LAMA5: variants seen among roughly 807,000 people sequenced by gnomAD.
The protein encoded by LAMA5 is laminin subunit alpha 5, also known as laminin subunit alpha-5.
Under a neutral mutation model 433.4 loss-of-function variants are expected in LAMA5, and 260 were observed. The observed-to-expected ratio is 0.60, with a 90% CI of 0.54 to 0.66. The LOEUF is 0.66. LAMA5 is among the 30% of genes least tolerant of loss of function. LAMA5 has a pLI of 0.00. For synonymous variants in LAMA5, 2,620 were observed against 2,226.6 expected (o/e 1.18, Z -4.97); for missense variants, 5,378 against 5,258.5 (o/e 1.02, Z -0.70).
chr20:62,313,704 T>C lies in LAMA5; in HGVS notation c.8603A>G (p.Asn2868Ser), dbSNP rs765127118. The change falls in exon 63 of 80, where the codon AAC becomes AGC. Residue 2868 changes from asparagine (N) to serine (S), a missense_variant. Coordinates refer to ENST00000252999, the MANE Select transcript of LAMA5 (RefSeq NM_005560.6). Reference sequence around the variant, plus strand: ...GAAGACGAAGTCGTCTGGCCGCAGGTTGAGCAGCCCCTCTGCCCCAGGGGC... The same window carrying C: ...GAAGACGAAGTCGTCTGGCCGCAGGCTGAGCAGCCCCTCTGCCCCAGGGGC... ...TVAPGAEGLLNLRPDDFVFYV... is the reference protein window; with the variant it reads ...TVAPGAEGLLSLRPDDFVFYV... 6.8e-6 allele frequency: 11 copies of C among 1,612,738 alleles called. No individual in the cohort carries two copies. Among genetic ancestry groups the C allele is most frequent in the Middle Eastern group, 1.7e-4 (1 of 6,060 alleles).
At chr20:62,323,901 C>T (rs757582597) in intron 43 of LAMA5, 45 bp from the exon 44 acceptor site, 22 of 1,538,398 alleles carry the variant, frequency 1.4e-5, no homozygotes, top group South Asian at 1.2e-4. Context: ...TGGCAGTGCC[C>T]GGGCCCGGGC....
rs1173816620 is a variant in LAMA5, at chr20:62,311,039, T to C, written c.10144A>G (p.Thr3382Ala). 6.2e-7 allele frequency: 1 copy of C among 1,607,558 alleles called. No homozygotes were observed. Among genetic ancestry groups the C allele is most frequent in the African/African-American group, 1.3e-5 (1 of 74,660 alleles). The change falls in exon 74 of 80, where the codon ACT becomes GCT. Residue 3382 changes from threonine (T) to alanine (A), a missense_variant. Thr to Ala is a moderately conservative substitution (Grantham distance 58). Transcript: ENST00000252999. ...PRSSRGLLLF[T>A]ARLRPGSPSL... is the part of the protein sequence containing the mutation. ...GGGCTGCCGGGCCTCAGACGGGCAG[T>C]GAAGAGGAGGAGGCCTCGGGAGCTT...
In LAMA5 at chr20:62,329,160, C is replaced by T. The variant is rs779995373; in HGVS notation, c.4213G>A (p.Ala1405Thr). Reference sequence around the variant, plus strand: ...CACCTGATGTGGTAGCCCTGGGCTGCGCAGTGGCTGATGAAGTCATAGGAT... The same window carrying T: ...CACCTGATGTGGTAGCCCTGGGCTGTGCAGTGGCTGATGAAGTCATAGGAT... The part of the protein sequence containing the change: ...DKSYDFISHC[A>T]AQGYHISPSS... The change falls in exon 33 of 80, where the codon GCA becomes ACA. Residue 1405 changes from alanine (A) to threonine (T), a missense_variant. Coordinates refer to ENST00000252999, the MANE Select transcript of LAMA5 (RefSeq NM_005560.6). 207 of 1,612,618 alleles carry T rather than the reference C, an allele frequency of 1.3e-4. No individual in the cohort carries two copies. The Admixed American group carries it at 3.1e-3, about 24-fold the overall frequency.
rs368092656 is a variant in LAMA5, at chr20:62,328,023, C to G, written c.4653-13G>C. The G allele has an allele frequency of 6.2e-7, 1 of 1,610,546 alleles. No individual in the cohort carries two copies. Among genetic ancestry groups the G allele is most frequent in the Admixed American group, 1.7e-5 (1 of 59,966 alleles). ...GTTGGGTCTGCACCTGTGGCAGGGG[C>G]GGGAGCTGAGCCCCCTCCACCCCAG... On this transcript the variant is annotated splice_polypyrimidine_tract_variant and intron_variant, in intron 35 of 79. Transcript: ENST00000252999.
chr20:62,327,723 G>C, intron 36 of LAMA5, 54 bp from the exon 37 acceptor site: 1 of 1,599,260 alleles, frequency 6.3e-7, no homozygotes, highest in Non-Finnish European at 8.5e-7. Context: ...GCCTGACCCC[G>C]GGTTCCTGGT....
At chr20:62,361,460 C>T (rs758894267) in intron 2 of LAMA5, among the ~76,000 whole-genome samples, 1 of 152,204 alleles carries the variant, frequency 6.6e-6, no homozygotes, top group Non-Finnish European at 1.5e-5. Context: ...AAGGTGCCTG[C>T]CCCTTGGGGC....
At position 62,338,030 on chromosome 20, in the gene LAMA5, A is replaced by AAACCATGGT; in HGVS notation, c.1868_1876dup (p.Tyr623_Gly625dup). On this transcript the variant is annotated inframe_insertion, in exon 14 of 80. Coordinates refer to ENST00000252999, the MANE Select transcript of LAMA5 (RefSeq NM_005560.6). ...CCTCTGCTCACCTTGGCAGTTGGGG[A>AAACCATGGT]AACCATGGTAGCCAGGGCGGCACCG... is the stretch of plus-strand genomic sequence containing the variant. 3.1e-6 allele frequency: 5 copies of AAACCATGGT among 1,598,542 alleles called. No individual in the cohort carries two copies. Among genetic ancestry groups the AAACCATGGT allele is most frequent in the Non-Finnish European group, 4.3e-6 (5 of 1,170,618 alleles).
Position 62,318,883 on chromosome 20 carries a change from C to T in LAMA5, c.7002G>A (p.Pro2334=), listed in dbSNP as rs374394507. 8.5e-5 allele frequency: 137 copies of T among 1,608,556 alleles called. No individual in the cohort carries two copies. The South Asian group carries it at 1.0e-3, about 12-fold the overall frequency. The part of the protein sequence containing the change: ...WEMRARDLGA[P]QAAAEAELAA... ...CCAACTCAGCCTCAGCTGCTGCCTGCGGGGCCCCCAGGTCCCGGGCCCGCA... is the reference window on the plus strand; with the variant it reads ...CCAACTCAGCCTCAGCTGCTGCCTGTGGGGCCCCCAGGTCCCGGGCCCGCA... Residue 2334 remains proline (P), a synonymous_variant, in exon 52 of 80, where the codon CCG becomes CCA. Transcript: ENST00000252999.
rs201121276 is a variant in LAMA5 at position 62,352,016 on chromosome 20, G to A, written c.751C>T (p.Arg251Cys). Residue 251 changes from arginine to cysteine, a missense_variant, in exon 5 of 80, where the codon CGT (arginine) becomes TGT (cysteine). Transcript: ENST00000252999. ...ACGTTGGTGGCCTTGGTGAACTCAC[G>A]TAGCAGCGGCGAGTAGGAGAAATTC... ...AMNFSYSPLL[R>C]EFTKATNVRL... 5 of 1,612,684 alleles carry A rather than the reference G, an allele frequency of 3.1e-6. No homozygotes were observed. The highest frequency in any genetic ancestry group is 3.3e-5 in the Admixed American group (2 of 60,024).
chr20:62,309,325 T>C lies in LAMA5; in HGVS notation c.*11A>G, dbSNP rs774734445. The stretch of plus-strand genomic sequence containing the variant: ...GCAGGGGCCTGACCAGGGGCCGGGG[T>C]TGGCTGTGTCCTAGGCGGCTGGGCA... On this transcript the variant is annotated 3_prime_UTR_variant, in exon 80 of 80. Coordinates refer to ENST00000252999, the MANE Select transcript of LAMA5 (RefSeq NM_005560.6). 6.3e-7 allele frequency: 1 copy of C among 1,589,966 alleles called. No homozygotes were observed. The highest frequency in any genetic ancestry group is 8.5e-7 in the Non-Finnish European group (1 of 1,176,564).
rs763670190 is a variant in LAMA5, at chr20:62,312,895, C to T, written c.9071G>A (p.Ser3024Asn). ...TCCCCACCCTGGCCCTACCGCCTTG[C>T]TGGCCGAGGTCAGGGGCGGTGGGGG... is the stretch of plus-strand genomic sequence containing the variant. ...LQPPPPLTSA[S>N]KAIQVFLLGG... Residue 3024 changes from serine (S) to asparagine (N), a missense_variant, in exon 66 of 80, where the codon AGC (serine) becomes AAC (asparagine). Coordinates refer to ENST00000252999, the MANE Select transcript of LAMA5 (RefSeq NM_005560.6). 6.3e-6 allele frequency: 10 copies of T among 1,586,688 alleles called. No individual in the cohort carries two copies. The highest frequency in any genetic ancestry group is 8.6e-6 in the Non-Finnish European group (10 of 1,164,694).
intron 57 of LAMA5, chr20:62,316,270 C>T (rs1336811756): frequency 1.7e-6 from 1 of 592,564 alleles, no homozygotes; most frequent in Non-Finnish European, 3.0e-6. Context: ...CCACTGCAGG[C>T]ATAGCTGTCC....
intron 11 of LAMA5, among the ~76,000 whole-genome samples, chr20:62,340,080 C>A (rs907177999): frequency 1.3e-5 from 2 of 152,064 alleles, no homozygotes; most frequent in Non-Finnish European, 2.9e-5. Flanking sequence ...GAAGCTCAGG[C>A]ATGTCACCCA....
chr20:62,335,769 C>G (rs1409714202), intron 18 of LAMA5, among the ~76,000 whole-genome samples: 1 of 146,810 alleles, frequency 6.8e-6, no homozygotes, highest in Non-Finnish European at 1.5e-5. Context: ...CTCTCCAGGG[C>G]ACACTCATGG....
chr20:62,364,499 T>C (rs1208629778), intron 1 of LAMA5, among the ~76,000 whole-genome samples: 2 of 152,156 alleles, frequency 1.3e-5, no homozygotes, highest in Non-Finnish European at 2.9e-5. Flanking sequence ...CCAGTCCCCA[T>C]TCGGCCACTC....
chr20:62,350,625 GC>G (rs1181659655), intron 6 of LAMA5, among the ~76,000 whole-genome samples: 1 of 152,158 alleles, frequency 6.6e-6, no homozygotes, highest in Non-Finnish European at 1.5e-5. Flanking sequence ...TCGGTTGCAG[GC>G]ACTAGATGAG....
rs138468519 is a variant in LAMA5, at chr20:62,309,371, C to A, written c.11053G>T (p.Gly3685Trp). The change falls in exon 80 of 80, where the codon GGG becomes TGG. Residue 3685 changes from glycine to tryptophan, a missense_variant. Physicochemically the swap from Gly to Trp is radical, Grantham distance 184. Transcript: ENST00000252999. Reference sequence around the variant, plus strand: ...GGGCAGCCACTGGCCCCCACTGCCCCGTGGACCTCCACAGAGCGAGTCATG... The same window carrying A: ...GGGCAGCCACTGGCCCCCACTGCCCAGTGGACCTCCACAGAGCGAGTCATG... ...VAMTRSVEVHGAVGASGCPAA is the reference protein window; with the variant it reads ...VAMTRSVEVHWAVGASGCPAA 6.3e-7 allele frequency: 1 copy of A among 1,590,374 alleles called. No homozygotes were observed.
In LAMA5 at chr20:62,354,463, G is replaced by A. The variant is rs191192928; in HGVS notation, c.451-1212C>T. On this transcript the variant is annotated intron_variant, in intron 2 of 79. Transcript: ENST00000252999. ...ATCTGCACCCACCCGACATGACCGTGGGCCTCCATGCCTGCACCTGGGGGT... is the reference window on the plus strand; with the variant it reads ...ATCTGCACCCACCCGACATGACCGTAGGCCTCCATGCCTGCACCTGGGGGT... 3.1e-3 allele frequency among the ~76,000 whole-genome samples: 470 copies of A among 151,892 alleles called. 3 individuals carry two copies. Among genetic ancestry groups the A allele is most frequent in the African/African-American group, 0.011 (454 of 41,428 alleles).
rs200936346 is a variant in LAMA5 at position 62,353,258 on chromosome 20, G to C, written c.451-7C>G. ...CGTAGGCCACGTGGAAGACCTGTGG[G>C]CCGAGAGGGCGTCAGGGGAGCCAGG... is the stretch of plus-strand genomic sequence containing the variant. On this transcript the variant is annotated splice_region_variant and splice_polypyrimidine_tract_variant and intron_variant, in intron 2 of 79. Transcript: ENST00000252999. The C allele has an allele frequency of 6.3e-7, 1 of 1,582,294 alleles. No homozygotes were observed. The highest frequency in any genetic ancestry group is 8.6e-7 in the Non-Finnish European group (1 of 1,161,466).
Sources: gnomAD v4.1 joint callset for allele counts (sites outside exome capture counted in the v4.1 genomes callset) on GRCh38, gnomAD v4.1.1 for gene constraint, MANE v1.5 for transcripts, NCBI Gene and HGNC (gene_info 2026-07-23, HGNC 2026-07-21) for gene names.